The following CREG2 variants were observed in gnomAD, a reference collection of about 807,000 sequenced individuals.
CREG2 encodes the protein cellular repressor of E1A stimulated genes 2, also known as protein CREG2.
A neutral mutation model predicts 26.2 loss-of-function variants in CREG2; 24 were observed. That is an observed-to-expected ratio of 0.92 (90% confidence interval 0.66 to 1.29). CREG2 has a LOEUF of 1.29. Ranked by LOEUF, CREG2 falls within the 50% of genes most tolerant of loss-of-function variation. The probability of loss-of-function intolerance (pLI) is 0.00; values close to 1 mark genes in which losing one functional copy is unlikely to be tolerated. For synonymous variants in CREG2, 174 were observed against 169.2 expected (o/e 1.03, Z -0.22); for missense variants, 366 against 398.6 (o/e 0.92, Z 0.70).
chr2:101,352,625 T>C (rs1684399601), intron 3 of CREG2, among the ~76,000 whole-genome samples: 1 of 152,192 alleles, frequency 6.6e-6, no homozygotes, highest in African/African-American at 2.4e-5. Flanking sequence ...CTGGACAACA[T>C]GGCAAAACCC....
At chr2:101,362,529 T>C (rs1157277195) in intron 2 of CREG2, among the ~76,000 whole-genome samples, 1 of 152,194 alleles carries the variant, frequency 6.6e-6, no homozygotes, top group East Asian at 1.9e-4. Context: ...CGTGCCCACC[T>C]ACTGTTAGAT....
intron 2 of CREG2, among the ~76,000 whole-genome samples, chr2:101,356,896 T>A (rs35076156): frequency 7.3e-5 from 11 of 151,502 alleles, no homozygotes; most frequent in Non-Finnish European, 1.0e-4. Flanking sequence ...AACTTTTTCT[T>A]CTTTTTTTTT....
chr2:101,352,175 C>G (rs769220951), intron 3 of CREG2, among the ~76,000 whole-genome samples: 4 of 152,140 alleles, frequency 2.6e-5, no homozygotes, highest in African/African-American at 9.7e-5. Context: ...TGCTACCACA[C>G]TCAGTCAATC....
chr2:101,369,705 A>G (rs557462910), intron 2 of CREG2, among the ~76,000 whole-genome samples: 93 of 152,194 alleles, frequency 6.1e-4, no homozygotes, highest in African/African-American at 2.2e-3. Flanking sequence ...TCAAAGGCAG[A>G]TGCTCTCTTT....
rs1468894342 is a variant in CREG2, at chr2:101,355,338, G to A, written c.640C>T (p.Arg214Ter). 3.1e-6 allele frequency: 5 copies of A among 1,613,504 alleles called. No individual in the cohort carries two copies. The highest frequency in any genetic ancestry group is 2.7e-5 in the African/African-American group (2 of 74,882). ...CCAGTGAGCGTTAACTGGACACATC[G>A]GGGATCTTCCGGATCAACGATGTTT... The part of the protein sequence containing the change: ...RKNIVDPEDP[R>*]CVQLTLTGQM... Residue 214 changes from arginine to a stop codon, truncating the protein, a stop_gained, in exon 3 of 4, where the codon CGA becomes TGA. Transcript: ENST00000324768. LOFTEE classifies it high-confidence loss of function.
intron 2 of CREG2, among the ~76,000 whole-genome samples, chr2:101,378,210 A>G (rs1684819236): frequency 6.6e-6 from 1 of 152,236 alleles, no homozygotes; most frequent in African/African-American, 2.4e-5. Context: ...AAGTGAGATC[A>G]TGCGGGATTT....
At chr2:101,385,192 T>A (rs182988498) in intron 1 of CREG2, among the ~76,000 whole-genome samples, 241 of 152,328 alleles carry the variant, frequency 1.6e-3, no homozygotes, top group African/African-American at 5.6e-3. Context: ...TATTATTATT[T>A]TTTTGAGACA....
At chr2:101,367,254 C>T (rs1178442446) in intron 2 of CREG2, among the ~76,000 whole-genome samples, 3 of 152,238 alleles carry the variant, frequency 2.0e-5, no homozygotes, top group East Asian at 1.9e-4. Context: ...GAGCAACAGG[C>T]GTGTTCGAAC....
Position 101,365,374 on chromosome 2 carries a change from A to G in CREG2, c.612-10008T>C, listed in dbSNP as rs368080055. Reference sequence around the variant, plus strand: ...GCCCTTGAAACTCCAGCAGGAGGTGAGCAAGGTTGGGGAGGCGTCTCACCT... The same window carrying G: ...GCCCTTGAAACTCCAGCAGGAGGTGGGCAAGGTTGGGGAGGCGTCTCACCT... On this transcript the variant is annotated intron_variant, in intron 2 of 3. Coordinates refer to ENST00000324768, the MANE Select transcript of CREG2 (RefSeq NM_153836.4). Among the ~76,000 whole-genome samples, 80 of 152,198 alleles carry G rather than the reference A, an allele frequency of 5.3e-4. 2 individuals carry two copies. The East Asian group carries it at 0.011, about 22-fold the overall frequency.
In CREG2 at chr2:101,345,594, G is replaced by A. The variant is rs1684292166; in HGVS notation, c.*5329C>T. 1 of 152,108 alleles carries A rather than the reference G, an allele frequency of 6.6e-6. No homozygotes were observed. The highest frequency in any genetic ancestry group is 1.5e-5 in the Non-Finnish European group (1 of 68,022). The allele number at this position is 152,108 out of a possible 1,614,324, so 9.4% of individuals were successfully genotyped here. A position where few individuals can be genotyped will look rare whatever the true frequency, so the allele number is the denominator to read the frequency against. ...TAATCAAGCACACAAATCATATCAGGAATGAAATAGTCTTTGGTTAAATAG... is the reference window on the plus strand; with the variant it reads ...TAATCAAGCACACAAATCATATCAGAAATGAAATAGTCTTTGGTTAAATAG... On this transcript the variant is annotated 3_prime_UTR_variant, in exon 4 of 4. Coordinates refer to ENST00000324768, the MANE Select transcript of CREG2 (RefSeq NM_153836.4).
chr2:101,380,000 TATC>T, intron 2 of CREG2, among the ~76,000 whole-genome samples: 1 of 150,416 alleles, frequency 6.6e-6, no homozygotes, highest in South Asian at 2.1e-4. Context: ...TCTATCTATC[TATC>T]TATCTATCTA....
At chr2:101,373,556 A>G (rs1328796332) in intron 2 of CREG2, among the ~76,000 whole-genome samples, 1 of 152,212 alleles carries the variant, frequency 6.6e-6, no homozygotes, top group Non-Finnish European at 1.5e-5. Context: ...ATTTCTGCTT[A>G]AGATGGAGTC....
chr2:101,361,896 G>A (rs908932929), intron 2 of CREG2, among the ~76,000 whole-genome samples: 1 of 152,070 alleles, frequency 6.6e-6, no homozygotes, highest in Non-Finnish European at 1.5e-5. Flanking sequence ...ATTGGTGAGA[G>A]GCTACTTTGG....
chr2:101,352,461 A>T (rs1000962502), intron 3 of CREG2, among the ~76,000 whole-genome samples: 1 of 152,158 alleles, frequency 6.6e-6, no homozygotes, highest in African/African-American at 2.4e-5. Context: ...GGGCCCAGGC[A>T]CTGGGTGGAA....
intron 2 of CREG2, among the ~76,000 whole-genome samples, chr2:101,369,066 A>T (rs1353950952): frequency 6.6e-6 from 1 of 152,214 alleles, no homozygotes; most frequent in Non-Finnish European, 1.5e-5. Flanking sequence ...GGATATGTTA[A>T]GACTTTAGAA....
intron 2 of CREG2, among the ~76,000 whole-genome samples, chr2:101,366,458 C>T (rs1684619426): frequency 1.3e-5 from 2 of 151,992 alleles, no homozygotes; most frequent in African/African-American, 4.8e-5. Flanking sequence ...TGGATTTTTG[C>T]ATCTGTGGAT....
At chr2:101,356,632 G>A (rs1684464522) in intron 2 of CREG2, among the ~76,000 whole-genome samples, 1 of 152,074 alleles carries the variant, frequency 6.6e-6, no homozygotes, top group African/African-American at 2.4e-5. Context: ...GTGTGTAATA[G>A]GAATGGCATC....
chr2:101,369,052 C>T (rs555747650), intron 2 of CREG2, among the ~76,000 whole-genome samples: 4 of 152,092 alleles, frequency 2.6e-5, no homozygotes, highest in Non-Finnish European at 2.9e-5. Flanking sequence ...ATTTAGGCTT[C>T]GCAGGATATG....
At chr2:101,357,587 G>T (rs985456719) in intron 2 of CREG2, among the ~76,000 whole-genome samples, 1 of 152,112 alleles carries the variant, frequency 6.6e-6, no homozygotes, top group East Asian at 1.9e-4. Context: ...AGTGTTTTCA[G>T]TATTTCTGAA....
Sources: gnomAD v4.1 joint callset for allele counts (sites outside exome capture counted in the v4.1 genomes callset) on GRCh38, gnomAD v4.1.1 for gene constraint, MANE v1.5 for transcripts, NCBI Gene and HGNC (gene_info 2026-07-23, HGNC 2026-07-21) for gene names.